Variants in RETSAT observed in about 807,000 individuals in gnomAD.
RETSAT encodes retinol saturase.
A neutral mutation model predicts 61.6 loss-of-function variants in RETSAT; 35 were observed. The observed-to-expected ratio is 0.57, with a 90% CI of 0.43 to 0.75. RETSAT has a LOEUF of 0.75. Ranked by LOEUF, RETSAT falls within the 30% of genes least tolerant of loss-of-function variation. The probability of loss-of-function intolerance (pLI) is 0.00; values close to 1 mark genes in which losing one functional copy is unlikely to be tolerated. For missense variants in RETSAT, 670 were observed against 759.5 expected, an observed-to-expected ratio of 0.88 and a Z score of 1.38; for synonymous variants, 277 against 310.4, an observed-to-expected ratio of 0.89 and a Z score of 1.13.
chr2:85,344,400 C>T, intron 7 of RETSAT, 52 bp from the exon 8 acceptor site: 1 of 1,582,468 alleles, frequency 6.3e-7, no homozygotes, highest in Non-Finnish European at 8.7e-7. Context: ...CCTCAAAACC[C>T]CAGAACCACT....
chr2:85,344,795 C>T (rs1228409413), intron 6 of RETSAT, 63 bp from the exon 7 acceptor site: 4 of 1,576,630 alleles, frequency 2.5e-6, no homozygotes, highest in Non-Finnish European at 3.5e-6. Context: ...TCCTTGCTCC[C>T]AGGAGAGCCT....
At chr2:85,347,001 C>T (rs1328796925) in intron 5 of RETSAT, among the ~76,000 whole-genome samples, 1 of 152,084 alleles carries the variant, frequency 6.6e-6, no homozygotes, top group African/African-American at 2.4e-5. Flanking sequence ...TCTTATTGTT[C>T]GACCTAATAC....
chr2:85,354,277 AC>A, intron 1 of RETSAT, 58 bp downstream of exon 1: 1 of 1,598,070 alleles, frequency 6.3e-7, no homozygotes, highest in Non-Finnish European at 8.5e-7. Flanking sequence ...CAAAATGAGA[AC>A]CCAAATCTGT....
chr2:85,344,045 G>A lies in RETSAT; in HGVS notation c.1487C>T (p.Ala496Val), dbSNP rs749057395. 6.2e-7 allele frequency: 1 copy of A among 1,614,084 alleles called. No homozygotes were observed. Among genetic ancestry groups the A allele is most frequent in the Non-Finnish European group, 8.5e-7 (1 of 1,180,016 alleles). ...CAGTTTCAGGACCACTGACATAGAG[G>A]CTTCCACAAAGGAGTTTTTGAAGGT... ...YETFKNSFVE[A>V]SMSVVLKLFP... Residue 496 changes from alanine to valine, a missense_variant, in exon 9 of 11, where the codon GCC becomes GTC. By Grantham distance (64) the Ala-to-Val change is moderately conservative. Coordinates refer to ENST00000295802, the MANE Select transcript of RETSAT (RefSeq NM_017750.4).
At chr2:85,351,888 G>A in intron 1 of RETSAT, 26 bp from the exon 2 acceptor site, 1 of 1,606,290 alleles carries the variant, frequency 6.2e-7, no homozygotes, top group Non-Finnish European at 8.5e-7. Context: ...CAAAGGGTGG[G>A]TTTCTCAGGC....
At position 85,344,337 on chromosome 2, in the gene RETSAT, T is replaced by C. The variant is rs1285973926; in HGVS notation, c.1268A>G (p.Tyr423Cys). The change falls in exon 8 of 11, where the codon TAC (tyrosine) becomes TGC (cysteine). Residue 423 changes from tyrosine (Y) to cysteine (C), a missense_variant. Physicochemically the swap from Tyr to Cys is radical, Grantham distance 194. Coordinates refer to ENST00000295802, the MANE Select transcript of RETSAT (RefSeq NM_017750.4). Reference protein sequence around the residue: ...DTDMDQAMERYVSMPREEAAE... With the variant: ...DTDMDQAMERCVSMPREEAAE... ...AGCCTCTTCCCTGGGCATGGAGACG[T>C]AGCGCTCCATCCTGCATGTGACAAG... is the stretch of plus-strand genomic sequence containing the variant. 1.9e-6 allele frequency: 3 copies of C among 1,613,968 alleles called. No individual in the cohort carries two copies. The highest frequency in any genetic ancestry group is 1.7e-4 in the Middle Eastern group (1 of 6,060).
intron 4 of RETSAT, 200 bp from the exon 5 acceptor site, chr2:85,349,781 C>A (rs924194903): frequency 2.9e-5 from 18 of 631,202 alleles, no homozygotes; most frequent in South Asian, 1.4e-4. Flanking sequence ...AGGAATACCC[C>A]CCCTGCAAAC....
In RETSAT at chr2:85,350,824, G is replaced by T; in HGVS notation, c.553C>A (p.Pro185Thr). Reference sequence around the variant, plus strand: ...TTGTCAATGATAGCTTCCTCCTGTGGAAACTTCTCCTTGAGGCCCTGAATG... The same window carrying T: ...TTGTCAATGATAGCTTCCTCCTGTGTAAACTTCTCCTTGAGGCCCTGAATG... Reference protein sequence around the residue: ...AYIQGLKEKFPQEEAIIDKYI... With the variant: ...AYIQGLKEKFTQEEAIIDKYI... The change falls in exon 3 of 11, where the codon CCA (proline) becomes ACA (threonine). Residue 185 changes from proline (P) to threonine (T), a missense_variant. Coordinates refer to ENST00000295802, the MANE Select transcript of RETSAT (RefSeq NM_017750.4). 1.2e-6 allele frequency: 2 copies of T among 1,614,170 alleles called. No homozygotes were observed. The highest frequency in any genetic ancestry group is 1.7e-6 in the Non-Finnish European group (2 of 1,180,038).
chr2:85,351,138 T>C, intron 2 of RETSAT, 117 bp from the exon 3 acceptor site: 1 of 1,245,934 alleles, frequency 8.0e-7, no homozygotes, highest in South Asian at 1.4e-5. Flanking sequence ...ACGCCCAGAG[T>C]GAGCTGCTCA....
intron 6 of RETSAT, 39 bp from the exon 7 acceptor site, chr2:85,344,771 C>A: frequency 6.2e-7 from 1 of 1,602,314 alleles, no homozygotes; most frequent in Admixed American, 1.7e-5. Context: ...TGGACCATGG[C>A]CGGAGACGGC....
chr2:85,343,825 A>G (rs1400671708), intron 9 of RETSAT, 27 bp from the exon 10 acceptor site: 1 of 1,611,032 alleles, frequency 6.2e-7, no homozygotes, highest in African/African-American at 1.3e-5. Flanking sequence ...TGGGGCAGGC[A>G]TGTGAGATCC....
At position 85,350,100 on chromosome 2, in the gene RETSAT, G is replaced by T. The variant is rs1344005442; in HGVS notation, c.739C>A (p.Gln247Lys). The T allele has an allele frequency of 1.9e-6, 3 of 1,613,928 alleles. No individual in the cohort carries two copies. Among genetic ancestry groups the T allele is most frequent in the Non-Finnish European group, 2.5e-6 (3 of 1,180,052 alleles). Residue 247 changes from glutamine (Q) to lysine (K), a missense_variant, in exon 4 of 11, where the codon CAG becomes AAG. By Grantham distance (53) the Gln-to-Lys change is moderately conservative (BLOSUM62 1). Coordinates refer to ENST00000295802, the MANE Select transcript of RETSAT (RefSeq NM_017750.4). The part of the protein sequence containing the change: ...ASTQSLAEVL[Q>K]QLGASSELQA... ...AGCTCAGAGGAGGCCCCCAGCTGCT[G>T]CAGGACCTCAGCCAGGCTCTGGGTG...
At chr2:85,350,662 ACT>A in intron 3 of RETSAT, 116 bp downstream of exon 3, 2 of 1,163,372 alleles carry the variant, frequency 1.7e-6, no homozygotes, top group South Asian at 2.8e-5. Context: ...AACAGATGTG[ACT>A]CTTCCTCCCT....
At position 85,349,525 on chromosome 2, in the gene RETSAT, T is replaced by C. The variant is rs533574159; in HGVS notation, c.856A>G (p.Met286Val). ...SMHALLVNHY[M>V]KGGFYPRGGS... is the part of the protein sequence containing the mutation. ...CCTCGGGGATAAAAGCCTCCTTTCA[T>C]GTAGTGGTTGACCAGCAGGGCGTGC... The change falls in exon 5 of 11, where the codon ATG (methionine) becomes GTG (valine). Residue 286 changes from methionine to valine, a missense_variant. Physicochemically the swap from Met to Val is conservative, Grantham distance 21. Coordinates refer to ENST00000295802, the MANE Select transcript of RETSAT (RefSeq NM_017750.4). 7 of 1,614,096 alleles carry C rather than the reference T, an allele frequency of 4.3e-6. No individual in the cohort carries two copies. In the South Asian group the frequency reaches 4.4e-5, roughly 10 times the overall value.
At chr2:85,345,597 C>A in intron 6 of RETSAT, 1 of 365,638 alleles carries the variant, frequency 2.7e-6, no homozygotes, top group Non-Finnish European at 5.3e-6. Flanking sequence ...CTCTTAGCTG[C>A]GTTGGCTCGG....
intron 1 of RETSAT, 49 bp from the exon 2 acceptor site, chr2:85,351,911 A>G (rs1373764815): frequency 6.4e-7 from 1 of 1,565,090 alleles, no homozygotes; most frequent in African/African-American, 1.4e-5. Context: ...GGGCAGGGAA[A>G]TAGCAAAGAT....
rs768619630 is a variant in RETSAT, at chr2:85,344,052, C to T, written c.1480G>A (p.Val494Met). ...SDYETFKNSF[V>M]EASMSVVLKL... is the part of the protein sequence containing the mutation. ...AGGACCACTGACATAGAGGCTTCCA[C>T]AAAGGAGTTTTTGAAGGTCTCATAG... Residue 494 changes from valine to methionine, a missense_variant, in exon 9 of 11, where the codon GTG (valine) becomes ATG (methionine). Physicochemically the swap from Val to Met is conservative, Grantham distance 21 (BLOSUM62 1). Coordinates refer to ENST00000295802, the MANE Select transcript of RETSAT (RefSeq NM_017750.4). 1.9e-6 allele frequency: 3 copies of T among 1,613,998 alleles called. No homozygotes were observed. In the African/African-American group the frequency reaches 4.0e-5, roughly 22 times the overall value.
chr2:85,350,887 G>T lies in RETSAT; in HGVS notation c.490C>A (p.Arg164=). ...CCACTGTACATGGGGTACTCCTTTC[G>T]GCCATTGGGCCCTTCCAGTACCATG... ...DIMVLEGPNG[R]KEYPMYSGEK... is the part of the protein sequence containing the mutation. Residue 164 remains arginine, a synonymous_variant, in exon 3 of 11, where the codon CGA becomes AGA. Coordinates refer to ENST00000295802, the MANE Select transcript of RETSAT (RefSeq NM_017750.4). The T allele has an allele frequency of 6.2e-7, 1 of 1,614,140 alleles. No individual in the cohort carries two copies. Among genetic ancestry groups the T allele is most frequent in the Non-Finnish European group, 8.5e-7 (1 of 1,180,048 alleles).
At chr2:85,345,290 C>T (rs1215716317) in intron 6 of RETSAT, among the ~76,000 whole-genome samples, 19 of 152,156 alleles carry the variant, frequency 1.2e-4, no homozygotes, top group Admixed American at 1.2e-3. Context: ...AGTCCCCATG[C>T]GGAAAGCCAG....
Sources: gnomAD v4.1 joint callset for allele counts (sites outside exome capture counted in the v4.1 genomes callset) on GRCh38, gnomAD v4.1.1 for gene constraint, MANE v1.5 for transcripts, NCBI Gene and HGNC (gene_info 2026-07-23, HGNC 2026-07-21) for gene names.